Variants in CENPF observed in about 807,000 individuals in gnomAD.
CENPF encodes centromere protein F.
In CENPF, 214 loss-of-function variants were observed where a neutral mutation model predicts 307.3. The observed-to-expected ratio is 0.70, with a 90% CI of 0.62 to 0.78. CENPF has a LOEUF of 0.78. Among genes scored for constraint, CENPF ranks in the 30% least tolerant of loss-of-function variants. The pLI is 0.00. For synonymous variants in CENPF, 1,259 were observed against 1,270.6 expected (o/e 0.99, Z 0.19); for missense variants, 3,401 against 3,483.9 (o/e 0.98, Z 0.60).
At chr1:214,648,480 T>A in intron 13 of CENPF, 195 bp from the exon 14 acceptor site, 1 of 747,098 alleles carries the variant, frequency 1.3e-6, no homozygotes, top group East Asian at 2.5e-5. Context: ...TTAAATCTTT[T>A]CTGGGAAGAA....
In CENPF at chr1:214,613,844, G is replaced by A. The variant is rs1657263361; in HGVS notation, c.90G>A (p.Leu30=). 1 of 1,613,952 alleles carries A rather than the reference G, an allele frequency of 6.2e-7. No individual in the cohort carries two copies. Among genetic ancestry groups the A allele is most frequent in the Non-Finnish European group, 8.5e-7 (1 of 1,179,930 alleles). The change falls in exon 2 of 20, where the codon CTG becomes CTA. Residue 30 remains leucine (L), a synonymous_variant. Coordinates refer to ENST00000366955, the MANE Select transcript of CENPF (RefSeq NM_016343.4). The part of the protein sequence containing the change: ...IQELEGQLDK[L]KKEKQQRQFQ... The stretch of plus-strand genomic sequence containing the variant: ...AGCTTGAAGGACAGCTTGACAAACT[G>A]AAGAAGGAAAAGCAGCAAAGGCAGT...
rs971200119 is a variant in CENPF, at chr1:214,641,073, A to G, written c.2735A>G (p.Glu912Gly). 5.1e-6 allele frequency: 8 copies of G among 1,566,336 alleles called. No individual in the cohort carries two copies. Among genetic ancestry groups the G allele is most frequent in the South Asian group, 1.2e-5 (1 of 81,988 alleles). The part of the protein sequence containing the change: ...TLSALENKEK[E>G]LQLLNDKVET... ...AGTGCCCTTGAGAACAAGGAAAAAGAGCTGCAACTTTTAAATGATAAGGTA... is the reference window on the plus strand; with the variant it reads ...AGTGCCCTTGAGAACAAGGAAAAAGGGCTGCAACTTTTAAATGATAAGGTA... Residue 912 changes from glutamate to glycine, a missense_variant, in exon 12 of 20, where the codon GAG becomes GGG. Transcript: ENST00000366955.
intron 15 of CENPF, among the ~76,000 whole-genome samples, chr1:214,652,377 A>C (rs565249654): frequency 2.0e-5 from 3 of 151,606 alleles, no homozygotes; most frequent in Admixed American, 2.0e-4. Flanking sequence ...TTGGAGTAGA[A>C]TAATAGGAGA....
In CENPF at chr1:214,659,038, T is replaced by C. The variant is rs374805483; in HGVS notation, c.9141+10T>C. On this transcript the variant is annotated intron_variant, in intron 19 of 19. Transcript: ENST00000366955. The surrounding 1 kb of genome is among the most constrained non-coding windows in gnomAD (Gnocchi z 4.4). ...CAGCAGATCACAAAAGGTAAACTACTGTCAACATCCGTCTACTGTTTGAGA... is the reference window on the plus strand; with the variant it reads ...CAGCAGATCACAAAAGGTAAACTACCGTCAACATCCGTCTACTGTTTGAGA... 7.4e-5 allele frequency: 120 copies of C among 1,613,710 alleles called. No homozygotes were observed. The African/African-American group carries it at 1.5e-3, about 20-fold the overall frequency.
chr1:214,636,596 C>T (rs193192819), intron 10 of CENPF, among the ~76,000 whole-genome samples: 10 of 152,340 alleles, frequency 6.6e-5, no homozygotes, highest in African/African-American at 2.4e-4. Context: ...TCTCCCTCTT[C>T]TTGAATTTGG....
chr1:214,633,296 A>C (rs1353471774), intron 10 of CENPF, among the ~76,000 whole-genome samples: 2 of 152,202 alleles, frequency 1.3e-5, no homozygotes, highest in Admixed American at 6.5e-5. Context: ...ACATACTTCA[A>C]TTTGGCTTCT....
chr1:214,636,976 A>T (rs964894819), intron 10 of CENPF, among the ~76,000 whole-genome samples: 1 of 152,210 alleles, frequency 6.6e-6, no homozygotes, highest in Non-Finnish European at 1.5e-5. Flanking sequence ...TAAGCAAAAA[A>T]GTTTTTCTTT....
chr1:214,645,477 T>G lies in CENPF; in HGVS notation c.5907T>G (p.Thr1969=), dbSNP rs374322005. The change falls in exon 13 of 20, where the codon ACT becomes ACG. Residue 1969 remains threonine, a synonymous_variant. Transcript: ENST00000366955. ...ACCAGCTTCGTGGAGAATTAGATAC[T>G]ATGTCAAAAAAAACCACGGCACTGG... The part of the protein sequence containing the change: ...ERNQLRGELD[T]MSKKTTALDQ... 1.9e-6 allele frequency: 3 copies of G among 1,613,672 alleles called. No individual in the cohort carries two copies. In the Admixed American group the frequency reaches 5.0e-5, roughly 27 times the overall value.
rs1657428055 is a variant in CENPF at position 214,618,756 on chromosome 1, AAAAT to A, written c.481+67_481+70del. ...GTTTAGCTTGAGATTTTAATTCTGC[AAAAT>A]AAATGAATTAATTCAACTTTGAATT... is the stretch of plus-strand genomic sequence containing the variant. On this transcript the variant is annotated intron_variant, in intron 4 of 19. Transcript: ENST00000366955. 14 of 1,473,118 alleles carry A rather than the reference AAAAT, an allele frequency of 9.5e-6. No individual in the cohort carries two copies. The East Asian group carries it at 3.0e-4, about 31-fold the overall frequency. The allele number at this position is 1,473,118 out of a possible 1,614,324, so 91.3% of individuals were successfully genotyped here. A position where few individuals can be genotyped will look rare whatever the true frequency, so the allele number is the denominator to read the frequency against.
rs111676558 is a variant in CENPF, at chr1:214,640,609, T to C, written c.2271T>C (p.His757=). Residue 757 remains histidine, a synonymous_variant, in exon 12 of 20, where the codon CAT becomes CAC. Transcript: ENST00000366955. ...MDKDRCYQDL[H]AEYESLRDLL... is the part of the protein sequence containing the mutation. ...AAGACCGGTGTTACCAAGACTTGCATGCCGAATATGAGAGCCTCAGGGATC... is the reference window on the plus strand; with the variant it reads ...AAGACCGGTGTTACCAAGACTTGCACGCCGAATATGAGAGCCTCAGGGATC... 935 of 1,614,144 alleles carry C rather than the reference T, an allele frequency of 5.8e-4. 6 individuals carry two copies. In the African/African-American group the frequency reaches 0.011, roughly 19 times the overall value.
chr1:214,616,692 A>G (rs375200255), intron 3 of CENPF, among the ~76,000 whole-genome samples: 18 of 152,246 alleles, frequency 1.2e-4, no homozygotes, highest in African/African-American at 4.1e-4. Context: ...CTGTAAGCTC[A>G]GATGTGGTGG....
chr1:214,641,598 C>A lies in CENPF; in HGVS notation c.3260C>A (p.Thr1087Lys). The A allele has an allele frequency of 6.5e-7, 1 of 1,548,520 alleles. No individual in the cohort carries two copies. The change falls in exon 12 of 20, where the codon ACA becomes AAA. Residue 1087 changes from threonine (T) to lysine (K), a missense_variant. Physicochemically the swap from Thr to Lys is moderately conservative, Grantham distance 78. Transcript: ENST00000366955. ...AFAKEHQEFL[T>K]KLAFAEERNQ... ...GCAAAGGAACACCAAGAATTCTTAACAAAATTAGCATTTGCTGAAGAAAGA... is the reference window on the plus strand; with the variant it reads ...GCAAAGGAACACCAAGAATTCTTAAAAAAATTAGCATTTGCTGAAGAAAGA...
At position 214,646,665 on chromosome 1, in the gene CENPF, G is replaced by A. The variant is rs778760750; in HGVS notation, c.7095G>A (p.Glu2365=). Residue 2365 remains glutamate, a synonymous_variant, in exon 13 of 20, where the codon GAG becomes GAA. Coordinates refer to ENST00000366955, the MANE Select transcript of CENPF (RefSeq NM_016343.4). ...AALEAENSKG[E]VETLKAKIEG... ...TTGAGGCAGAGAATTCCAAAGGAGA[G>A]GTAGAGACCCTAAAAGCAAAAATAG... is the stretch of plus-strand genomic sequence containing the variant. The A allele has an allele frequency of 3.0e-5, 49 of 1,613,780 alleles. No homozygotes were observed. Among genetic ancestry groups the A allele is most frequent in the Non-Finnish European group, 4.1e-5 (48 of 1,179,986 alleles).
intron 19 of CENPF, among the ~76,000 whole-genome samples, chr1:214,660,742 A>T (rs1325183365): frequency 6.6e-6 from 1 of 152,236 alleles, no homozygotes; most frequent in Non-Finnish European, 1.5e-5. Context: ...GAAAACCATG[A>T]CATATAGCTG....
intron 1 of CENPF, among the ~76,000 whole-genome samples, chr1:214,609,289 T>TGCAGTGAGACTTTGTACTAATACG (rs778984909): frequency 2.0e-5 from 3 of 152,230 alleles, no homozygotes; most frequent in Non-Finnish European, 4.4e-5. Context: ...TACCACCTTT[T>TGCAGTGAGACTTTGTACTAATACG]GCAGTGATTC....
rs1270922626 is a variant in CENPF at position 214,644,571 on chromosome 1, A to T, written c.5001A>T (p.Arg1667=). The change falls in exon 13 of 20, where the codon CGA becomes CGT. Residue 1667 remains arginine (R), a synonymous_variant. Transcript: ENST00000366955. Reference sequence around the variant, plus strand: ...TATAATTACAGGCTATTCAAGGCCGAAATGAGAGCTGTGACATATCAAAAG... The same window carrying T: ...TATAATTACAGGCTATTCAAGGCCGTAATGAGAGCTGTGACATATCAAAAG... ...GIDTEDAIQG[R]NESCDISKEH... The T allele has an allele frequency of 6.3e-7, 1 of 1,594,048 alleles. No individual in the cohort carries two copies. Among genetic ancestry groups the T allele is most frequent in the Non-Finnish European group, 8.5e-7 (1 of 1,170,098 alleles).
intron 1 of CENPF, chr1:214,606,068 C>T: frequency 6.3e-7 from 1 of 1,592,366 alleles, no homozygotes; most frequent in Non-Finnish European, 8.5e-7. Flanking sequence ...GCTGTCCGGG[C>T]TGATGCCGTA....
rs372789993 is a variant in CENPF at position 214,620,776 on chromosome 1, C to A, written c.695C>A (p.Ser232Tyr). Reference protein sequence around the residue: ...EKTPSHLSSNSQRTPIRRDFS... With the variant: ...EKTPSHLSSNYQRTPIRRDFS... ...ACCCCAAGTCATCTTTCATCTAATTCTCAAAGAACTCCAATTAGGAGAGAT... is the reference window on the plus strand; with the variant it reads ...ACCCCAAGTCATCTTTCATCTAATTATCAAAGAACTCCAATTAGGAGAGAT... The change falls in exon 6 of 20, where the codon TCT (serine) becomes TAT (tyrosine). Residue 232 changes from serine (S) to tyrosine (Y), a missense_variant. Coordinates refer to ENST00000366955, the MANE Select transcript of CENPF (RefSeq NM_016343.4). The A allele has an allele frequency of 3.0e-5, 49 of 1,614,042 alleles. No individual in the cohort carries two copies. The African/African-American group carries it at 5.5e-4, about 18-fold the overall frequency.
chr1:214,634,890 T>G (rs1657913856), intron 10 of CENPF, among the ~76,000 whole-genome samples: 1 of 152,250 alleles, frequency 6.6e-6, no homozygotes, highest in Non-Finnish European at 1.5e-5. Context: ...TACTGAAATT[T>G]TCCTTGTCTG....
Sources: allele counts gnomAD v4.1 joint callset (sites outside exome capture counted in the v4.1 genomes callset), GRCh38; gene constraint gnomAD v4.1.1; non-coding constraint Gnocchi (gnomAD v3.1); transcripts MANE v1.5; gene names NCBI Gene and HGNC (gene_info 2026-07-23, HGNC 2026-07-21).